DENND5A: variants seen among roughly 807,000 people sequenced by gnomAD.
The protein encoded by DENND5A is DENN domain containing 5A, also known as DENN domain-containing protein 5A.
Under a neutral mutation model 140.3 loss-of-function variants are expected in DENND5A, and 64 were observed. The ratio of observed to expected loss-of-function variants is 0.46; its 90% CI spans 0.37 to 0.56. The LOEUF (loss-of-function observed/expected upper bound fraction) is 0.56. DENND5A is among the 20% of genes least tolerant of loss of function. The pLI is 0.00. For synonymous variants in DENND5A, 605 were observed against 607.7 expected, an observed-to-expected ratio of 1.00 and a Z score of 0.07; for missense variants, 1,292 against 1,593.8, an observed-to-expected ratio of 0.81 and a Z score of 3.22.
chr11:9,150,117 T>C lies in DENND5A; in HGVS notation c.2699A>G (p.His900Arg), dbSNP rs779817963. 8 of 1,613,912 alleles carry C rather than the reference T, an allele frequency of 5.0e-6. No individual in the cohort carries two copies. In the South Asian group the frequency reaches 8.8e-5, roughly 18 times the overall value. The change falls in exon 15 of 23, where the codon CAC becomes CGC. Residue 900 changes from histidine (H) to arginine (R), a missense_variant. Transcript: ENST00000328194. ...LSMEKKLLSR[H>R]LKQLLSDHEL... is the part of the protein sequence containing the mutation. ...ATGGTCTGAGAGGAGCTGCTTCAGGTGTCTGGAAAGTAACTTTTTTTCCAT... is the reference window on the plus strand; with the variant it reads ...ATGGTCTGAGAGGAGCTGCTTCAGGCGTCTGGAAAGTAACTTTTTTTCCAT...
In DENND5A at chr11:9,180,996, T is replaced by C. The variant is rs748221251; in HGVS notation, c.1226A>G (p.Gln409Arg). The C allele has an allele frequency of 1.9e-5, 30 of 1,614,098 alleles. No individual in the cohort carries two copies. The highest frequency in any genetic ancestry group is 2.3e-5 in the Non-Finnish European group (27 of 1,180,048). ...PQFPNKLEFVQEVSEILMAFG... is the reference protein window; with the variant it reads ...PQFPNKLEFVREVSEILMAFG... ...TGCCATGAGAATCTCAGAGACTTCC[T>C]GGACAAACTCCAATTTGTTGGGGAA... Residue 409 changes from glutamine (Q) to arginine (R), a missense_variant, in exon 6 of 23, where the codon CAG (glutamine) becomes CGG (arginine). Transcript: ENST00000328194.
Position 9,178,133 on chromosome 11 carries a change from T to A in DENND5A, c.1905A>T (p.Ala635=). The A allele has an allele frequency of 6.2e-7, 1 of 1,609,528 alleles. No homozygotes were observed. Residue 635 remains alanine, a splice_region_variant and synonymous_variant, in exon 8 of 23, where the codon GCA becomes GCT. Coordinates refer to ENST00000328194, the MANE Select transcript of DENND5A (RefSeq NM_015213.4). ...MYQKCTTVDE[A]EKAIELRLAK... Reference sequence around the variant, plus strand: ...TGTACATTTCCAAGGAGGCCTTACCTGCTTCATCCACAGTGGTACACTTCT... The same window carrying A: ...TGTACATTTCCAAGGAGGCCTTACCAGCTTCATCCACAGTGGTACACTTCT...
intron 1 of DENND5A, among the ~76,000 whole-genome samples, chr11:9,259,984 C>T (rs1320177036): frequency 4.2e-5 from 6 of 142,826 alleles, no homozygotes; most frequent in Admixed American, 3.6e-4. Flanking sequence ...GCTGAGATCA[C>T]GCCATTGCAC....
At chr11:9,261,985 C>G (rs1852222815) in intron 1 of DENND5A, among the ~76,000 whole-genome samples, 1 of 152,084 alleles carries the variant, frequency 6.6e-6, no homozygotes, top group Non-Finnish European at 1.5e-5. Flanking sequence ...TTTTATACAA[C>G]TCATCCCCCT....
chr11:9,186,893 C>G (rs974735595), intron 5 of DENND5A, among the ~76,000 whole-genome samples: 1 of 152,044 alleles, frequency 6.6e-6, no homozygotes, highest in African/African-American at 2.4e-5. Context: ...CCAGTCTGGC[C>G]AACATGGTGA....
At chr11:9,154,611 G>C (rs1437457698) in intron 12 of DENND5A, among the ~76,000 whole-genome samples, 1 of 151,768 alleles carries the variant, frequency 6.6e-6, no homozygotes, top group African/African-American at 2.4e-5. Flanking sequence ...CTGTATGTTT[G>C]TACTTCCTAC....
chr11:9,144,627 T>C (rs1270374189), intron 18 of DENND5A, among the ~76,000 whole-genome samples: 2 of 151,744 alleles, frequency 1.3e-5, no homozygotes, highest in Non-Finnish European at 2.9e-5. Flanking sequence ...CTGTCTCTAC[T>C]AAAAACACAA....
intron 1 of DENND5A, among the ~76,000 whole-genome samples, chr11:9,249,268 G>A (rs1851613295): frequency 6.6e-6 from 1 of 151,838 alleles, no homozygotes; most frequent in Non-Finnish European, 1.5e-5. Context: ...TGACACTCCT[G>A]GAAAGTAATT....
intron 4 of DENND5A, among the ~76,000 whole-genome samples, chr11:9,198,102 C>G (rs1849393801): frequency 6.6e-6 from 1 of 151,944 alleles, no homozygotes; most frequent in Admixed American, 6.6e-5. Flanking sequence ...ATGGTAAAAT[C>G]TGAGGGCAAA....
intron 17 of DENND5A, chr11:9,145,324 G>A (rs546501044): frequency 3.4e-6 from 2 of 594,594 alleles, no homozygotes; most frequent in East Asian, 2.8e-5. Context: ...CTACCTAGAA[G>A]AACAGGGTCA....
intron 7 of DENND5A, 151 bp downstream of exon 7, chr11:9,178,707 G>C (rs1432098494): frequency 1.5e-6 from 1 of 672,362 alleles, no homozygotes; most frequent in Non-Finnish European, 2.5e-6. Context: ...TAAGCAACAA[G>C]ACCTATTTTA....
rs878866352 is a variant in DENND5A, at chr11:9,265,317, C to T, written c.-248G>A. On this transcript the variant is annotated 5_prime_UTR_variant, in exon 1 of 23. Coordinates refer to ENST00000328194, the MANE Select transcript of DENND5A (RefSeq NM_015213.4). The surrounding 1 kb of genome is among the most constrained non-coding windows in gnomAD (Gnocchi z 4.7). ...CCGCGCCGCCGCCGCTGCAGCTAGCCGAGAGCGCCGCGGCCCGAGCGAGCC... is the reference window on the plus strand; with the variant it reads ...CCGCGCCGCCGCCGCTGCAGCTAGCTGAGAGCGCCGCGGCCCGAGCGAGCC... 10 of 258,036 alleles carry T rather than the reference C, an allele frequency of 3.9e-5. No individual in the cohort carries two copies. In the South Asian group the frequency reaches 1.3e-3, roughly 33 times the overall value. The allele number at this position is 258,036 out of a possible 1,614,324, so 16.0% of individuals were successfully genotyped here.
At chr11:9,141,804 C>T (rs769955308) in intron 22 of DENND5A, 136 bp downstream of exon 22, 1 of 696,102 alleles carries the variant, frequency 1.4e-6, no homozygotes, top group East Asian at 3.2e-5. Flanking sequence ...AAATTCAGGG[C>T]TTCTAGGAAA....
At chr11:9,175,920 T>C (rs1197485803) in intron 8 of DENND5A, among the ~76,000 whole-genome samples, 1 of 152,216 alleles carries the variant, frequency 6.6e-6, no homozygotes, top group Non-Finnish European at 1.5e-5. Flanking sequence ...AAAAGTGTCT[T>C]AGATACAATA....
intron 1 of DENND5A, among the ~76,000 whole-genome samples, chr11:9,248,009 A>T (rs1196978885): frequency 6.6e-6 from 1 of 152,138 alleles, no homozygotes; most frequent in Non-Finnish European, 1.5e-5. Context: ...TGTTTTTGAG[A>T]CAGGATCTTG....
chr11:9,191,536 G>A (rs557034369), intron 5 of DENND5A, among the ~76,000 whole-genome samples: 6 of 152,148 alleles, frequency 3.9e-5, no homozygotes, highest in East Asian at 3.8e-4. Flanking sequence ...CACCGCACCC[G>A]GCCAACTTTT....
intron 19 of DENND5A, 61 bp from the exon 20 acceptor site, chr11:9,143,546 T>G: frequency 7.1e-7 from 1 of 1,399,940 alleles, no homozygotes; most frequent in Admixed American, 1.7e-5. Flanking sequence ...CTTAGCTGCC[T>G]GAGCAGGAGA....
chr11:9,207,445 T>A (rs1048353593), intron 2 of DENND5A, 116 bp downstream of exon 2: 4 of 704,358 alleles, frequency 5.7e-6, no homozygotes, highest in Non-Finnish European at 9.7e-6. Context: ...AAAAATCTAG[T>A]GGTCAAAAAA....
chr11:9,229,842 A>G (rs1224133772), intron 1 of DENND5A, among the ~76,000 whole-genome samples: 1 of 151,596 alleles, frequency 6.6e-6, no homozygotes, highest in Non-Finnish European at 1.5e-5. Flanking sequence ...ATTGAGCCTA[A>G]GCATAAAAAC....
Sources: gnomAD v4.1 joint callset for allele counts (sites outside exome capture counted in the v4.1 genomes callset) on GRCh38, gnomAD v4.1.1 for gene constraint, Gnocchi (gnomAD v3.1) non-coding constraint, MANE v1.5 for transcripts, NCBI Gene and HGNC (gene_info 2026-07-23, HGNC 2026-07-21) for gene names.